The following MAP7D3 variants were observed in gnomAD, a reference collection of about 807,000 sequenced individuals.
The protein encoded by MAP7D3 is MAP7 domain containing 3.
In MAP7D3, 45 loss-of-function variants were observed where a neutral mutation model predicts 62.2. The observed-to-expected ratio is 0.72, with a 90% CI of 0.57 to 0.93. The LOEUF (loss-of-function observed/expected upper bound fraction) is 0.93, where lower values mean the gene tolerates loss of function less well. Ranked by LOEUF, MAP7D3 falls within the 40% of genes least tolerant of loss-of-function variation. The pLI, the probability that MAP7D3 is intolerant of heterozygous loss-of-function variation, is 0.00. For missense variants in MAP7D3, 711 were observed against 683.1 expected (o/e 1.04, Z -0.45); for synonymous variants, 288 against 248.8 (o/e 1.16, Z -1.48).
Position 136,246,291 on chromosome X carries a change from T to A in MAP7D3, c.121A>T (p.Asn41Tyr), listed in dbSNP as rs2074448042. ...AKERRKQDVV[N>Y]RVATHSSNIR... is the part of the protein sequence containing the mutation. ...TTTGAGGAATGGGTTGCAACACGAT[T>A]AACCACATCTTGCTTCCTCCTTTCC... is the stretch of plus-strand genomic sequence containing the variant. Residue 41 changes from asparagine to tyrosine, a missense_variant, in exon 2 of 19, where the codon AAT (asparagine) becomes TAT (tyrosine). By Grantham distance (143) the Asn-to-Tyr change is moderately radical. Coordinates refer to ENST00000316077, the MANE Select transcript of MAP7D3 (RefSeq NM_024597.4). 2.5e-6 allele frequency: 3 copies of A among 1,206,296 alleles called. No individual in the cohort carries two copies. Among genetic ancestry groups the A allele is most frequent in the Non-Finnish European group, 3.4e-6 (3 of 890,585 alleles).
intron 6 of MAP7D3, among the ~76,000 whole-genome samples, chrX:136,237,404 A>T (rs1303173857): frequency 8.9e-6 from 1 of 112,478 alleles, no homozygotes; most frequent in Non-Finnish European, 1.9e-5. Flanking sequence ...TAAAATAGTT[A>T]CTTAAAATAT....
At chrX:136,231,241 G>T in intron 8 of MAP7D3, 1 of 328,925 alleles carries the variant, frequency 3.0e-6, no homozygotes, top group Non-Finnish European at 5.2e-6. Flanking sequence ...TCCTAACTCA[G>T]GGTTTAAAAC....
chrX:136,254,239 C>G (rs924050474), upstream of MAP7D3, among the ~76,000 whole-genome samples: 1 of 107,703 alleles, frequency 9.3e-6, no homozygotes, highest in Non-Finnish European at 1.9e-5. Context: ...CCTGCACCCC[C>G]ACGCCCGGCT....
At chrX:136,234,508 A>G (rs2074308478) in intron 7 of MAP7D3, among the ~76,000 whole-genome samples, 1 of 112,521 alleles carries the variant, frequency 8.9e-6, no homozygotes, top group Admixed American at 9.4e-5. Flanking sequence ...CTTCAAAGTT[A>G]GCTATCTCAT....
chrX:136,243,953 C>T (rs1275553695), intron 4 of MAP7D3, among the ~76,000 whole-genome samples: 2 of 111,355 alleles, frequency 1.8e-5, no homozygotes, highest in Admixed American at 1.9e-4. Flanking sequence ...CATAACAAAG[C>T]CACAGACTCA....
intron 12 of MAP7D3, 21 bp downstream of exon 12, chrX:136,227,263 T>A: frequency 8.3e-7 from 1 of 1,205,112 alleles, no homozygotes; most frequent in South Asian, 1.8e-5. Flanking sequence ...CATCCCCTGA[T>A]AAAGTGTCAA....
At chrX:136,225,563 G>A (rs1289555442) in intron 13 of MAP7D3, among the ~76,000 whole-genome samples, 1 of 112,050 alleles carries the variant, frequency 8.9e-6, no homozygotes, top group Non-Finnish European at 1.9e-5. Context: ...CCATGTAGTT[G>A]CTGCAATTTC....
At chrX:136,244,856 C>T (rs1044511683) in intron 3 of MAP7D3, 61 bp from the exon 4 acceptor site, 1 of 857,594 alleles carries the variant, frequency 1.2e-6, no homozygotes, top group African/African-American at 2.0e-5. Context: ...AGGTTTTCCA[C>T]ATTACACACA....
At chrX:136,253,724 C>T (rs1231590817), upstream of MAP7D3, among the ~76,000 whole-genome samples, 1 of 112,069 alleles carries the variant, frequency 8.9e-6, no homozygotes, top group Non-Finnish European at 1.9e-5. Flanking sequence ...TAAATAGTCA[C>T]GCCTGTAATC....
chrX:136,220,635 G>A (rs968958258), intron 16 of MAP7D3, 130 bp downstream of exon 16: 20 of 569,262 alleles, frequency 3.5e-5, no homozygotes, highest in Non-Finnish European at 5.2e-5. Context: ...GTTTATTTCC[G>A]TTAAGTCAAA....
chrX:136,214,147 AAAAG>A (rs772843998), downstream of MAP7D3: 1 of 112,096 alleles, frequency 8.9e-6, no homozygotes, highest in Non-Finnish European at 1.9e-5. Flanking sequence ...CAAAAAAACA[AAAAG>A]AAAATGCCTA....
At position 136,237,697 on chromosome X, in the gene MAP7D3, T is replaced by C. The variant is rs183897715; in HGVS notation, c.641-1358A>G. On this transcript the variant is annotated intron_variant, in intron 6 of 18. Transcript: ENST00000316077. ...CTCCTTCACAGTACAATTTAACTAA[T>C]TATTATCTTGAAGTCATAATCTGTC... is the stretch of plus-strand genomic sequence containing the variant. Among the ~76,000 whole-genome samples the C allele has an allele frequency of 4.5e-5, 5 of 112,078 alleles. No individual in the cohort carries two copies. In the East Asian group the frequency reaches 1.1e-3, roughly 25 times the overall value.
intron 12 of MAP7D3, 73 bp from the exon 13 acceptor site, chrX:136,226,086 A>C: frequency 2.8e-6 from 2 of 702,309 alleles, no homozygotes; most frequent in Non-Finnish European, 4.3e-6. Flanking sequence ...TAGTTTAAAA[A>C]TTTCAATGGT....
Position 136,217,424 on chromosome X carries a change from T to G in MAP7D3, c.*1102A>C. On this transcript the variant is annotated 3_prime_UTR_variant, in exon 19 of 19. Transcript: ENST00000316077. ...CTTTATGTACACAATAAAAATAATA[T>G]ATGTTTCTGTAGATAAACACCAATA... The G allele has an allele frequency of 9.0e-6, 1 of 111,564 alleles. No individual in the cohort carries two copies. The highest frequency in any genetic ancestry group is 2.8e-4 in the East Asian group (1 of 3,547). The allele number at this position is 111,564 out of a possible 1,213,427, so 9.2% of individuals were successfully genotyped here.
In MAP7D3 at chrX:136,236,318, C is replaced by G; in HGVS notation, c.662G>C (p.Ser221Thr). The G allele has an allele frequency of 8.5e-7, 1 of 1,176,658 alleles. No homozygotes were observed. The highest frequency in any genetic ancestry group is 1.2e-6 in the Non-Finnish European group (1 of 867,923). The change falls in exon 7 of 19, where the codon AGC (serine) becomes ACC (threonine). Residue 221 changes from serine to threonine, a missense_variant. By Grantham distance (58) the Ser-to-Thr change is moderately conservative. Coordinates refer to ENST00000316077, the MANE Select transcript of MAP7D3 (RefSeq NM_024597.4). ...VAKRKTDKER[S>T]SSLNRRDSNL... is the part of the protein sequence containing the mutation. ...ACTATCTCTTCTATTTAAAGATGAG[C>G]TTCTCTCCTTGTCTGTTTTCCCTAG...
chrX:136,226,269 T>C (rs957755704), intron 12 of MAP7D3, among the ~76,000 whole-genome samples: 2 of 111,415 alleles, frequency 1.8e-5, no homozygotes, highest in Non-Finnish European at 3.8e-5. Context: ...CACACCATCC[T>C]AATTCAAAGT....
chrX:136,222,029 G>A (rs1308927523), intron 15 of MAP7D3, among the ~76,000 whole-genome samples: 1 of 112,697 alleles, frequency 8.9e-6, no homozygotes, highest in African/African-American at 3.2e-5. Context: ...AGTGGAAAGT[G>A]GAATTCCACC....
At chrX:136,253,703 T>C (rs951172617), upstream of MAP7D3, among the ~76,000 whole-genome samples, 1 of 112,302 alleles carries the variant, frequency 8.9e-6, no homozygotes, top group Non-Finnish European at 1.9e-5. Context: ...AATGCACTTC[T>C]TCTTAAGAAA....
intron 14 of MAP7D3, among the ~76,000 whole-genome samples, chrX:136,224,226 C>A (rs1001564761): frequency 9.2e-6 from 1 of 108,248 alleles, no homozygotes; most frequent in Non-Finnish European, 1.9e-5. Flanking sequence ...CATGTTGAAA[C>A]CCTGTCTCTA....
Sources: gnomAD v4.1 joint callset for allele counts (sites outside exome capture counted in the v4.1 genomes callset) on GRCh38, gnomAD v4.1.1 for gene constraint, MANE v1.5 for transcripts, NCBI Gene and HGNC (gene_info 2026-07-23, HGNC 2026-07-21) for gene names.